Variants in MARCHF6 observed in about 807,000 individuals in gnomAD.
MARCHF6 encodes E3 ubiquitin-protein ligase MARCHF6.
A neutral mutation model predicts 133.7 loss-of-function variants in MARCHF6; 31 were observed. That is an observed-to-expected ratio of 0.23 (90% CI 0.17 to 0.31). The LOEUF is 0.31. Ranked by LOEUF, MARCHF6 falls within the 10% of genes least tolerant of loss-of-function variation. The pLI is 1.00. For synonymous variants in MARCHF6, 395 were observed against 402.5 expected, an observed-to-expected ratio of 0.98 and a Z score of 0.22; for missense variants, 723 against 1,121.6, an observed-to-expected ratio of 0.64 and a Z score of 5.08.
chr5:10,369,363 A>G (rs1579529730), intron 1 of MARCHF6, among the ~76,000 whole-genome samples: 2 of 152,218 alleles, frequency 1.3e-5, no homozygotes, highest in East Asian at 1.9e-4. Flanking sequence ...ACTTCAATCT[A>G]CAATTTCATT....
At chr5:10,431,640 T>C (rs1740370866) in intron 25 of MARCHF6, among the ~76,000 whole-genome samples, 1 of 151,534 alleles carries the variant, frequency 6.6e-6, no homozygotes, top group Non-Finnish European at 1.5e-5. Flanking sequence ...TGTGTGTGTG[T>C]GTGTGTGTGT....
chr5:10,421,130 G>GAGAA (rs1477637338), intron 22 of MARCHF6, among the ~76,000 whole-genome samples: 4 of 152,160 alleles, frequency 2.6e-5, no homozygotes, highest in Non-Finnish European at 5.9e-5. Context: ...CATCACCTTA[G>GAGAA]AGAATTCTTT....
At chr5:10,432,406 G>A (rs545307965) in intron 25 of MARCHF6, among the ~76,000 whole-genome samples, 1 of 152,318 alleles carries the variant, frequency 6.6e-6, no homozygotes, top group South Asian at 2.1e-4. Context: ...CAACTCTGTG[G>A]GCTTTTACTG....
chr5:10,437,856 T>G lies in MARCHF6; in HGVS notation c.*4172T>G, dbSNP rs1740711690. Reference sequence around the variant, plus strand: ...AAAGTGAATGTTAATTGTAGTCTAGTTTTTTTGTTTGTTTTTGTGTTATTG... The same window carrying G: ...AAAGTGAATGTTAATTGTAGTCTAGGTTTTTTGTTTGTTTTTGTGTTATTG... On this transcript the variant is annotated 3_prime_UTR_variant, in exon 26 of 26. Coordinates refer to ENST00000274140, the MANE Select transcript of MARCHF6 (RefSeq NM_005885.4). The G allele has an allele frequency of 6.6e-6, 1 of 152,366 alleles. No individual in the cohort carries two copies. The highest frequency in any genetic ancestry group is 2.4e-5 in the African/African-American group (1 of 41,436). The allele number at this position is 152,366 out of a possible 1,614,324, so 9.4% of individuals were successfully genotyped here.
At chr5:10,405,786 A>C in intron 16 of MARCHF6, 109 bp downstream of exon 16, 1 of 924,684 alleles carries the variant, frequency 1.1e-6, no homozygotes, top group East Asian at 2.8e-5. Context: ...AGTATATTGA[A>C]TAATATATTT....
intron 25 of MARCHF6, among the ~76,000 whole-genome samples, chr5:10,432,901 T>G (rs1218411463): frequency 7.7e-6 from 1 of 129,176 alleles, no homozygotes; most frequent in South Asian, 2.2e-4. Flanking sequence ...CCTTCCTACT[T>G]TTTTTTTTTT....
chr5:10,412,533 G>T (rs1265380651), intron 19 of MARCHF6, among the ~76,000 whole-genome samples: 4 of 152,196 alleles, frequency 2.6e-5, no homozygotes. Context: ...CAGGACTAGG[G>T]CACATTAGGC....
At chr5:10,411,222 T>G in intron 18 of MARCHF6, 111 bp from the exon 19 acceptor site, 2 of 835,104 alleles carry the variant, frequency 2.4e-6, no homozygotes, top group Admixed American at 2.2e-5. Flanking sequence ...GCACAAATTC[T>G]GTATTATACA....
intron 1 of MARCHF6, among the ~76,000 whole-genome samples, chr5:10,362,697 T>G (rs1735899508): frequency 1.3e-5 from 2 of 152,210 alleles, no homozygotes; most frequent in Non-Finnish European, 2.9e-5. Flanking sequence ...TCACACAGAT[T>G]TATAGCTTGA....
intron 19 of MARCHF6, among the ~76,000 whole-genome samples, chr5:10,412,038 A>G (rs1372531276): frequency 6.6e-6 from 1 of 152,246 alleles, no homozygotes; most frequent in Non-Finnish European, 1.5e-5. Flanking sequence ...CAGTGAAGTC[A>G]TCATTTATAT....
intron 1 of MARCHF6, among the ~76,000 whole-genome samples, chr5:10,373,458 C>T (rs1193092981): frequency 6.6e-6 from 1 of 152,148 alleles, no homozygotes; most frequent in Admixed American, 6.5e-5. Flanking sequence ...ACAGCTTTCT[C>T]AGGCCACGCA....
intron 1 of MARCHF6, among the ~76,000 whole-genome samples, chr5:10,373,167 C>G (rs980032534): frequency 1.3e-5 from 2 of 152,126 alleles, no homozygotes; most frequent in African/African-American, 4.8e-5. Flanking sequence ...GATCCCAGTT[C>G]TCTTCTCTAG....
At chr5:10,418,244 G>A (rs1739628654) in intron 22 of MARCHF6, among the ~76,000 whole-genome samples, 1 of 152,026 alleles carries the variant, frequency 6.6e-6, no homozygotes. Context: ...GCCAAGCGTG[G>A]TGGTGTGGGC....
rs765582398 is a variant in MARCHF6 at position 10,417,424 on chromosome 5, T to C, written c.2283+20T>C. 1 of 1,612,386 alleles carries C rather than the reference T, an allele frequency of 6.2e-7. No individual in the cohort carries two copies. The highest frequency in any genetic ancestry group is 2.2e-5 in the East Asian group (1 of 44,880). On this transcript the variant is annotated intron_variant, in intron 22 of 25. Transcript: ENST00000274140. ...TGGCAGGTAAATGTATGTCTTTTGC[T>C]CATGTTATTTCATTAAGGATTTGAG...
chr5:10,374,051 C>T (rs1399946218), intron 1 of MARCHF6, among the ~76,000 whole-genome samples: 1 of 151,732 alleles, frequency 6.6e-6, no homozygotes, highest in Non-Finnish European at 1.5e-5. Flanking sequence ...CCACTGTGAC[C>T]AAGAATCTTA....
intron 24 of MARCHF6, among the ~76,000 whole-genome samples, chr5:10,427,326 C>T (rs1740139297): frequency 6.6e-6 from 1 of 152,214 alleles, no homozygotes; most frequent in Non-Finnish European, 1.5e-5. Context: ...GGCACAATGA[C>T]CTTTCAAAAG....
intron 14 of MARCHF6, among the ~76,000 whole-genome samples, chr5:10,403,091 C>T (rs1738646341): frequency 6.6e-6 from 1 of 152,306 alleles, no homozygotes; most frequent in African/African-American, 2.4e-5. Flanking sequence ...CATTTACCCT[C>T]CCATACCTTA....
Position 10,397,278 on chromosome 5 carries a change from G to T in MARCHF6, c.862-15G>T. The T allele has an allele frequency of 6.5e-7, 1 of 1,544,856 alleles. No homozygotes were observed. On this transcript the variant is annotated splice_polypyrimidine_tract_variant and intron_variant, in intron 9 of 25. Transcript: ENST00000274140. ...TATGAATTGAATATGCTTTATTGATGCTTTTTTCCTTTAGGAACATGTCTT... is the reference window on the plus strand; with the variant it reads ...TATGAATTGAATATGCTTTATTGATTCTTTTTTCCTTTAGGAACATGTCTT...
chr5:10,430,153 C>T, intron 25 of MARCHF6, 125 bp downstream of exon 25: 1 of 1,135,612 alleles, frequency 8.8e-7, no homozygotes, highest in Non-Finnish European at 1.2e-6. Context: ...GTGGGATTAG[C>T]AAGGTTTGCT....
Sources: gnomAD v4.1 joint callset for allele counts (sites outside exome capture counted in the v4.1 genomes callset) on GRCh38, gnomAD v4.1.1 for gene constraint, MANE v1.5 for transcripts, NCBI Gene and HGNC (gene_info 2026-07-23, HGNC 2026-07-21) for gene names.